The following TMOD1 variants were observed in gnomAD, a reference collection of about 807,000 sequenced individuals.
TMOD1 encodes the protein tropomodulin-1.
TMOD1 carries 17 observed loss-of-function variants against 40.6 expected under a neutral mutation model. That is an observed-to-expected ratio of 0.42 (90% CI 0.29 to 0.63). TMOD1 has a LOEUF of 0.63. Among genes scored for constraint, TMOD1 ranks in the 20% least tolerant of loss-of-function variants. The pLI is 0.22. For missense variants in TMOD1, 391 were observed against 447.6 expected (o/e 0.87, Z 1.14); for synonymous variants, 181 against 175.0 (o/e 1.03, Z -0.27).
chr9:97,566,044 A>G, intron 7 of TMOD1, 89 bp downstream of exon 7: 1 of 1,121,620 alleles, frequency 8.9e-7, no homozygotes, highest in Non-Finnish European at 1.3e-6. Flanking sequence ...GTTGTATCCC[A>G]CTAACAAAGA....
intron 8 of TMOD1, among the ~76,000 whole-genome samples, chr9:97,569,921 T>C (rs946906973): frequency 2.0e-5 from 3 of 152,192 alleles, no homozygotes; most frequent in Admixed American, 2.0e-4. Flanking sequence ...GTTAAAATGC[T>C]TTCTTTTTTA....
At chr9:97,585,364 C>T (rs1283905978) in intron 8 of TMOD1, among the ~76,000 whole-genome samples, 16 of 151,730 alleles carry the variant, frequency 1.1e-4, no homozygotes, top group Admixed American at 3.3e-4. Context: ...GGGTTTCTGC[C>T]GAGAGATCCG....
intron 8 of TMOD1, among the ~76,000 whole-genome samples, chr9:97,581,712 T>G (rs927145991): frequency 6.6e-6 from 1 of 151,862 alleles, no homozygotes; most frequent in African/African-American, 2.4e-5. Context: ...TGGTATCTCA[T>G]TGTGGTTTTG....
At chr9:97,582,131 A>G (rs1825771343) in intron 8 of TMOD1, among the ~76,000 whole-genome samples, 2 of 152,054 alleles carry the variant, frequency 1.3e-5, no homozygotes, top group African/African-American at 4.8e-5. Context: ...TTATGGTTTT[A>G]GGTCTAACGT....
At chr9:97,536,735 C>T (rs1830191435) in intron 2 of TMOD1, among the ~76,000 whole-genome samples, 1 of 152,186 alleles carries the variant, frequency 6.6e-6, no homozygotes, top group African/African-American at 2.4e-5. Flanking sequence ...CGGCCCTTGG[C>T]TTCTTCCAAT....
intron 1 of TMOD1, among the ~76,000 whole-genome samples, chr9:97,508,947 G>A (rs1417428387): frequency 6.6e-6 from 1 of 152,162 alleles, no homozygotes; most frequent in Non-Finnish European, 1.5e-5. Context: ...AACCTATATA[G>A]GCAGCATAAC....
intron 1 of TMOD1, among the ~76,000 whole-genome samples, chr9:97,508,063 A>T (rs916001370): frequency 1.7e-4 from 19 of 112,168 alleles, no homozygotes; most frequent in East Asian, 7.9e-4. Context: ...TGATTCACAC[A>T]CACACACACA....
At chr9:97,577,999 G>A (rs1198378197) in intron 8 of TMOD1, among the ~76,000 whole-genome samples, 1 of 152,118 alleles carries the variant, frequency 6.6e-6, no homozygotes. Flanking sequence ...TAAAATGAAT[G>A]AGTCCTTTTA....
intron 2 of TMOD1, 67 bp downstream of exon 2, chr9:97,524,375 C>G: frequency 6.5e-7 from 1 of 1,546,550 alleles, no homozygotes; most frequent in African/African-American, 1.4e-5. Context: ...CAGGTGGATG[C>G]TTCCTAAAGC....
At chr9:97,527,210 T>G (rs1466101492) in intron 2 of TMOD1, among the ~76,000 whole-genome samples, 1 of 152,238 alleles carries the variant, frequency 6.6e-6, no homozygotes, top group Non-Finnish European at 1.5e-5. Context: ...CCTAGATCAC[T>G]GTCACACAGA....
intron 1 of TMOD1, among the ~76,000 whole-genome samples, chr9:97,517,444 G>C (rs1364025425): frequency 1.3e-5 from 2 of 152,180 alleles, no homozygotes; most frequent in Non-Finnish European, 2.9e-5. Flanking sequence ...GTCTGGCCTG[G>C]GTGACTGACA....
intron 1 of TMOD1, among the ~76,000 whole-genome samples, chr9:97,505,014 T>C (rs1385247425): frequency 6.6e-6 from 1 of 152,224 alleles, no homozygotes; most frequent in Non-Finnish European, 1.5e-5. Flanking sequence ...TTTCCTCTCT[T>C]TTGTTTTGTT....
chr9:97,572,624 G>A (rs1830838705), intron 8 of TMOD1, among the ~76,000 whole-genome samples: 1 of 152,182 alleles, frequency 6.6e-6, no homozygotes, highest in Non-Finnish European at 1.5e-5. Flanking sequence ...GTGACACAGA[G>A]GAGGTGGCGA....
chr9:97,577,545 T>C (rs1183172887), intron 8 of TMOD1, among the ~76,000 whole-genome samples: 3 of 152,138 alleles, frequency 2.0e-5, no homozygotes, highest in Non-Finnish European at 2.9e-5. Flanking sequence ...CCCAGCACTT[T>C]GGGAGGCTGA....
At chr9:97,531,727 C>T (rs1258378576) in intron 2 of TMOD1, among the ~76,000 whole-genome samples, 1 of 152,208 alleles carries the variant, frequency 6.6e-6, no homozygotes, top group African/African-American at 2.4e-5. Flanking sequence ...TACCCCACCC[C>T]AGGCATCTAC....
chr9:97,539,025 CA>C (rs201447174), intron 2 of TMOD1, among the ~76,000 whole-genome samples: 1 of 148,152 alleles, frequency 6.7e-6, no homozygotes, highest in East Asian at 1.9e-4. Flanking sequence ...CAAAACAAAA[CA>C]AAACAAACAA....
At chr9:97,545,675 C>CA (rs1830349189) in intron 2 of TMOD1, among the ~76,000 whole-genome samples, 1 of 151,380 alleles carries the variant, frequency 6.6e-6, no homozygotes, top group South Asian at 2.1e-4. Flanking sequence ...CTTTCTCCAG[C>CA]TTTTTTTTTG....
In TMOD1 at chr9:97,586,987, C is replaced by T. The variant is rs575351431; in HGVS notation, c.871-4304C>T. ...TCTTCTGCGTTGCTCACGCTGGGAG[C>T]TGTAGACCGGAGCTGTTCCTATTCG... On this transcript the variant is annotated intron_variant, in intron 8 of 9. Transcript: ENST00000259365. 3.9e-5 allele frequency among the ~76,000 whole-genome samples: 6 copies of T among 152,360 alleles called. No homozygotes were observed. In the East Asian group the frequency reaches 1.2e-3, roughly 29 times the overall value.
intron 3 of TMOD1, among the ~76,000 whole-genome samples, chr9:97,550,635 T>G (rs1471084528): frequency 6.6e-6 from 1 of 152,244 alleles, no homozygotes; most frequent in Non-Finnish European, 1.5e-5. Context: ...ATGTTGAGCA[T>G]CTTTTCATGT....
Sources: allele counts gnomAD v4.1 joint callset (sites outside exome capture counted in the v4.1 genomes callset), GRCh38; gene constraint gnomAD v4.1.1; transcripts MANE v1.5; gene names NCBI Gene and HGNC (gene_info 2026-07-23, HGNC 2026-07-21).